Variants in PIP5K1C observed in about 807,000 individuals in gnomAD.
PIP5K1C encodes phosphatidylinositol-4-phosphate 5-kinase type 1 gamma.
PIP5K1C carries 45 observed loss-of-function variants against 80.1 expected under a neutral mutation model. That is an observed-to-expected ratio of 0.56 (90% CI 0.44 to 0.72). PIP5K1C has a LOEUF of 0.72. Ranked by LOEUF, PIP5K1C falls within the 30% of genes least tolerant of loss-of-function variation. The pLI is 0.00. For synonymous variants in PIP5K1C, 498 were observed against 420.1 expected (o/e 1.19, Z -2.27); for missense variants, 753 against 954.6 (o/e 0.79, Z 2.78).
intron 1 of PIP5K1C, among the ~76,000 whole-genome samples, chr19:3,674,771 G>A (rs888017870): frequency 4.6e-5 from 7 of 152,342 alleles, no homozygotes; most frequent in Middle Eastern, 3.4e-3. Flanking sequence ...AGCGTGCTGC[G>A]ATGACAGACA....
rs975667393 is a variant in PIP5K1C at position 3,696,940 on chromosome 19, C to T, written c.94+3357G>A. Among the ~76,000 whole-genome samples, 2 of 152,128 alleles carry T rather than the reference C, an allele frequency of 1.3e-5. No individual in the cohort carries two copies. Among genetic ancestry groups the T allele is most frequent in the Admixed American group, 1.3e-4 (2 of 15,276 alleles). On this transcript the variant is annotated intron_variant, in intron 1 of 17. Coordinates refer to ENST00000335312, the MANE Select transcript of PIP5K1C (RefSeq NM_012398.3). This position sits in a 1 kb window ranked among gnomAD's most constrained non-coding sequence, Gnocchi z 4.1. ...GCAGAGGAAGAGCAGGGGCGCCAGG[C>T]CTGGCTCAGGGGGCAAAGGAGGACT...
In PIP5K1C at chr19:3,647,433, T is replaced by A. The variant is rs368785696; in HGVS notation, c.1212-47A>T. On this transcript the variant is annotated intron_variant, in intron 9 of 17. Coordinates refer to ENST00000335312, the MANE Select transcript of PIP5K1C (RefSeq NM_012398.3). ...TGGCAGCTGACATCAGCCAAGCCCA[T>A]GCCAGGCCACCTCACTCAGGGGCCA... The A allele has an allele frequency of 1.3e-5, 20 of 1,518,630 alleles. No homozygotes were observed. In the African/African-American group the frequency reaches 2.5e-4, roughly 19 times the overall value. 94.1% of individuals were successfully genotyped at this position (1,518,630 alleles called of 1,614,324 possible). A position where few individuals can be genotyped will look rare whatever the true frequency, so the allele number is the denominator to read the frequency against.
At chr19:3,654,763 G>A (rs879404813) in intron 6 of PIP5K1C, among the ~76,000 whole-genome samples, 35 of 150,014 alleles carry the variant, frequency 2.3e-4, no homozygotes, top group Non-Finnish European at 4.7e-4. Flanking sequence ...GCAGTGAGCC[G>A]AGATTGTGCC....
At position 3,687,358 on chromosome 19, in the gene PIP5K1C, T is replaced by C. The variant is rs559346645; in HGVS notation, c.94+12939A>G. 4.2e-4 allele frequency among the ~76,000 whole-genome samples: 64 copies of C among 152,026 alleles called. 2 individuals carry two copies. In the South Asian group the frequency reaches 0.013, roughly 31 times the overall value. ...GCCTGGGTGGCAGACTGAGACTCAG[T>C]CTCAAAAAGAAAAGAATTTAAGAAA... On this transcript the variant is annotated intron_variant, in intron 1 of 17. Coordinates refer to ENST00000335312, the MANE Select transcript of PIP5K1C (RefSeq NM_012398.3).
At chr19:3,661,836 T>C (rs2034841553) in intron 4 of PIP5K1C, 35 bp downstream of exon 4, 2 of 1,608,168 alleles carry the variant, frequency 1.2e-6, no homozygotes, top group Admixed American at 3.3e-5. Context: ...ACGTGTGTGC[T>C]GGGTGAGCCC....
In PIP5K1C at chr19:3,637,709, G is replaced by A; in HGVS notation, c.1920+1175C>T. The stretch of plus-strand genomic sequence containing the variant: ...CGTGGTCGGGTGGGAGAGGCGGAGG[G>A]AGGTGGCGGGGAGCAGGTGGGGACA... On this transcript the variant is annotated intron_variant, in intron 16 of 17. Transcript: ENST00000335312. This position sits in a 1 kb window ranked among gnomAD's most constrained non-coding sequence, Gnocchi z 7.0. 6.6e-7 allele frequency: 1 copy of A among 1,512,076 alleles called. No homozygotes were observed. The allele number at this position is 1,512,076 out of a possible 1,614,324, so 93.7% of individuals were successfully genotyped here.
rs927489490 is a variant in PIP5K1C, at chr19:3,639,076, G to A, written c.1788-60C>T. On this transcript the variant is annotated intron_variant, in intron 15 of 17. Coordinates refer to ENST00000335312, the MANE Select transcript of PIP5K1C (RefSeq NM_012398.3). ...CAGGCCCCACACGGAGACTCCCCGC[G>A]CCCCCACTCAGGACCCAGGCAGGGG... 7.6e-6 allele frequency: 12 copies of A among 1,585,714 alleles called. No individual in the cohort carries two copies. The African/African-American group carries it at 9.4e-5, about 12-fold the overall frequency.
chr19:3,685,623 G>A (rs527655645), intron 1 of PIP5K1C, among the ~76,000 whole-genome samples: 4 of 148,592 alleles, frequency 2.7e-5, no homozygotes, highest in East Asian at 2.0e-4. Context: ...CCAGCTACTC[G>A]GGAGGCTGAG....
At chr19:3,678,950 T>G (rs1374171619) in intron 1 of PIP5K1C, among the ~76,000 whole-genome samples, 1 of 74,814 alleles carries the variant, frequency 1.3e-5, no homozygotes, top group African/African-American at 5.5e-5. Context: ...GGATGGAGAA[T>G]GGAGGGATGG....
intron 2 of PIP5K1C, among the ~76,000 whole-genome samples, chr19:3,666,582 CAT>C (rs143718387): frequency 0.031 from 4,733 of 152,208 alleles, 119 homozygotes; most frequent in Middle Eastern, 0.075. Flanking sequence ...CTCAGGCAAA[CAT>C]GAACACAGGC....
intron 14 of PIP5K1C, 70 bp downstream of exon 14, chr19:3,642,837 G>T: frequency 1.6e-6 from 2 of 1,286,586 alleles, no homozygotes; most frequent in Non-Finnish European, 2.3e-6. Context: ...GCTGGGGGGC[G>T]GGAAACGGAG....
intron 14 of PIP5K1C, among the ~76,000 whole-genome samples, chr19:3,642,274 G>A (rs944478764): frequency 1.3e-5 from 2 of 152,268 alleles, no homozygotes; most frequent in African/African-American, 4.8e-5. Flanking sequence ...GTTAAGAAAA[G>A]CAACACCGCG....
At chr19:3,638,843 C>T (rs375207700) in intron 16 of PIP5K1C, 41 bp downstream of exon 16, 20 of 1,611,378 alleles carry the variant, frequency 1.2e-5, no homozygotes, top group African/African-American at 6.7e-5. Flanking sequence ...AGAGAGAGTC[C>T]GGTTGACGAG....
intron 4 of PIP5K1C, among the ~76,000 whole-genome samples, chr19:3,661,435 G>T (rs2034830494): frequency 6.6e-6 from 1 of 152,218 alleles, no homozygotes; most frequent in Non-Finnish European, 1.5e-5. Context: ...GAAAGGGAAG[G>T]GCTGTTGTTC....
At chr19:3,638,070 A>C in intron 16 of PIP5K1C, 2 of 1,446,082 alleles carry the variant, frequency 1.4e-6, no homozygotes, top group Non-Finnish European at 1.8e-6. Flanking sequence ...ACAGGCCCTA[A>C]GGCCTGGTGC....
intron 13 of PIP5K1C, 77 bp from the exon 14 acceptor site, chr19:3,643,016 G>T (rs972632443): frequency 1.3e-6 from 2 of 1,557,902 alleles, no homozygotes; most frequent in East Asian, 4.5e-5. Context: ...TTGCCTACCC[G>T]CCTGCCTACC....
At chr19:3,657,881 G>C (rs977778006) in intron 5 of PIP5K1C, among the ~76,000 whole-genome samples, 3 of 152,176 alleles carry the variant, frequency 2.0e-5, no homozygotes, top group Non-Finnish European at 2.9e-5. Context: ...GCTGCTGTGA[G>C]CTGTGACAGC....
At position 3,644,117 on chromosome 19, in the gene PIP5K1C, C is replaced by A. The variant is rs766658886; in HGVS notation, c.1480G>T (p.Ala494Ser). ...REEAQYDLRG[A>S]RSYPTLEDEG... ...TCCTCCAGCGTGGGGTAGCTGCGGGCCCCCCGCAGGTCGTACTGGGCCTCC... is the reference window on the plus strand; with the variant it reads ...TCCTCCAGCGTGGGGTAGCTGCGGGACCCCCGCAGGTCGTACTGGGCCTCC... Residue 494 changes from alanine to serine, a missense_variant, in exon 12 of 18, where the codon GCC becomes TCC. Ala to Ser is a moderately conservative substitution (Grantham distance 99). Coordinates refer to ENST00000335312, the MANE Select transcript of PIP5K1C (RefSeq NM_012398.3). 9 of 1,611,120 alleles carry A rather than the reference C, an allele frequency of 5.6e-6. No individual in the cohort carries two copies. The highest frequency in any genetic ancestry group is 7.6e-6 in the Non-Finnish European group (9 of 1,179,804).
chr19:3,654,523 A>G (rs1035453742), intron 6 of PIP5K1C, among the ~76,000 whole-genome samples: 1 of 152,242 alleles, frequency 6.6e-6, no homozygotes, highest in African/African-American at 2.4e-5. Flanking sequence ...CCATTTTTAA[A>G]AAGTGGAAAG....
Sources: gnomAD v4.1 joint callset for allele counts (sites outside exome capture counted in the v4.1 genomes callset) on GRCh38, gnomAD v4.1.1 for gene constraint, Gnocchi (gnomAD v3.1) non-coding constraint, MANE v1.5 for transcripts, NCBI Gene and HGNC (gene_info 2026-07-23, HGNC 2026-07-21) for gene names.